Variants in SENP7 observed in about 807,000 individuals in gnomAD.
SENP7 encodes SUMO specific peptidase 7.
SENP7 carries 64 observed loss-of-function variants against 141.2 expected under a neutral mutation model. That is an observed-to-expected ratio of 0.45 (90% CI 0.37 to 0.56). The LOEUF is 0.56. Ranked by LOEUF, SENP7 falls within the 20% of genes least tolerant of loss-of-function variation. The pLI is 0.00. For synonymous variants in SENP7, 382 were observed against 426.4 expected (o/e 0.90, Z 1.28); for missense variants, 1,025 against 1,212.2 (o/e 0.85, Z 2.29).
intron 4 of SENP7, chr3:101,457,477 C>A: frequency 6.2e-7 from 1 of 1,609,412 alleles, no homozygotes; most frequent in Non-Finnish European, 8.5e-7. Flanking sequence ...AAAGTGTTTG[C>A]TGCCAGAGAT....
At chr3:101,354,114 T>A (rs896886943) in intron 11 of SENP7, among the ~76,000 whole-genome samples, 1 of 152,060 alleles carries the variant, frequency 6.6e-6, no homozygotes, top group Admixed American at 6.6e-5. Context: ...ATTCTCTCCA[T>A]CATAACTGTC....
chr3:101,503,607 G>T (rs1372671688), intron 1 of SENP7, among the ~76,000 whole-genome samples: 1 of 152,194 alleles, frequency 6.6e-6, no homozygotes, highest in Non-Finnish European at 1.5e-5. Context: ...CTATTTCTCA[G>T]AAATTCAAGA....
chr3:101,390,151 C>T (rs1270958707), intron 6 of SENP7, among the ~76,000 whole-genome samples: 10 of 136,724 alleles, frequency 7.3e-5, no homozygotes, highest in Admixed American at 6.6e-4. Context: ...ACCTGGGAGG[C>T]GGAAGTTGCA....
At chr3:101,365,851 G>C (rs1048271464) in intron 9 of SENP7, among the ~76,000 whole-genome samples, 1 of 152,054 alleles carries the variant, frequency 6.6e-6, no homozygotes, top group Non-Finnish European at 1.5e-5. Context: ...TTTAAAAATG[G>C]ATAAAGCCAT....
chr3:101,389,341 G>A (rs969502320), intron 6 of SENP7, among the ~76,000 whole-genome samples: 19 of 152,082 alleles, frequency 1.2e-4, no homozygotes, highest in Admixed American at 5.9e-4. Flanking sequence ...GGTCTTCTCC[G>A]CAGCACATCA....
intron 11 of SENP7, among the ~76,000 whole-genome samples, chr3:101,353,387 A>G (rs1028006239): frequency 6.6e-6 from 1 of 151,834 alleles, no homozygotes; most frequent in Non-Finnish European, 1.5e-5. Flanking sequence ...TCCCCCATCA[A>G]ATGCTCGGGA....
intron 4 of SENP7, among the ~76,000 whole-genome samples, chr3:101,438,118 T>TA (rs2062461037): frequency 6.6e-6 from 1 of 152,006 alleles, no homozygotes; most frequent in Non-Finnish European, 1.5e-5. Flanking sequence ...CCAAAAAAAT[T>TA]AAAAACAGTG....
At chr3:101,468,369 T>C (rs1275328934) in intron 3 of SENP7, among the ~76,000 whole-genome samples, 3 of 152,130 alleles carry the variant, frequency 2.0e-5, no homozygotes, top group Non-Finnish European at 2.9e-5. Flanking sequence ...ACCACAAAGA[T>C]ACTCTGTGAG....
At position 101,347,950 on chromosome 3, in the gene SENP7, T is replaced by A. The variant is rs565966266; in HGVS notation, c.1759A>T (p.Ile587Phe). 1.9e-6 allele frequency: 3 copies of A among 1,609,818 alleles called. No individual in the cohort carries two copies. In the Admixed American group the frequency reaches 5.0e-5, roughly 27 times the overall value. The change falls in exon 13 of 24, where the codon ATT (isoleucine) becomes TTT (phenylalanine). Residue 587 changes from isoleucine (I) to phenylalanine (F), a missense_variant. By Grantham distance (21) the Ile-to-Phe change is conservative. Transcript: ENST00000394095. ...DDNHSKRSHA[I>F]LFFWVSSDYL... Reference sequence around the variant, plus strand: ...TCTGAAGAGACCCAGAAGAAAAGAATAGCATGACTCCTTTTACTGTGATTA... The same window carrying A: ...TCTGAAGAGACCCAGAAGAAAAGAAAAGCATGACTCCTTTTACTGTGATTA...
chr3:101,433,979 T>C (rs79281115), intron 4 of SENP7, among the ~76,000 whole-genome samples: 4 of 151,724 alleles, frequency 2.6e-5, no homozygotes, highest in Non-Finnish European at 5.9e-5. Context: ...AGCTGCAGAA[T>C]ACATTCTTTT....
intron 21 of SENP7, 40 bp downstream of exon 21, chr3:101,328,606 T>C (rs1242938682): frequency 6.2e-7 from 1 of 1,602,782 alleles, no homozygotes; most frequent in Non-Finnish European, 8.5e-7. Flanking sequence ...TATATCTAAA[T>C]ACCTCAAAAA....
intron 23 of SENP7, among the ~76,000 whole-genome samples, chr3:101,327,021 C>T (rs542663282): frequency 1.3e-5 from 2 of 151,988 alleles, no homozygotes; most frequent in South Asian, 2.1e-4. Flanking sequence ...AGCTCTAGAA[C>T]GTCTATTTGA....
chr3:101,476,075 T>A (rs1217374235), intron 3 of SENP7, among the ~76,000 whole-genome samples: 1 of 152,182 alleles, frequency 6.6e-6, no homozygotes, highest in Admixed American at 6.5e-5. Context: ...TCTCCATATG[T>A]TAGGCCACAA....
chr3:101,408,725 C>G (rs991723701), intron 5 of SENP7, among the ~76,000 whole-genome samples: 7 of 152,102 alleles, frequency 4.6e-5, no homozygotes, highest in Admixed American at 1.3e-4. Flanking sequence ...TCAACAAAAT[C>G]CGGCATCTCT....
rs1224370417 is a variant in SENP7, at chr3:101,328,650, T to C, written c.2791A>G (p.Lys931Glu). ...SNMSVPKKMCKRPCILILDSL... is the reference protein window; with the variant it reads ...SNMSVPKKMCERPCILILDSL... ...ATTATTACAGCATGTACCTACCTTTTACACATTTTCTTTGGTACTGACATA... is the reference window on the plus strand; with the variant it reads ...ATTATTACAGCATGTACCTACCTTTCACACATTTTCTTTGGTACTGACATA... The change falls in exon 21 of 24, where the codon AAA becomes GAA. Residue 931 changes from lysine to glutamate, a missense_variant. Physicochemically the swap from Lys to Glu is moderately conservative, Grantham distance 56 (BLOSUM62 1). Coordinates refer to ENST00000394095, the MANE Select transcript of SENP7 (RefSeq NM_020654.5). 2 of 1,609,188 alleles carry C rather than the reference T, an allele frequency of 1.2e-6. No homozygotes were observed. Among genetic ancestry groups the C allele is most frequent in the Non-Finnish European group, 1.7e-6 (2 of 1,177,260 alleles).
chr3:101,462,157 A>G (rs1358104330), intron 3 of SENP7, among the ~76,000 whole-genome samples: 1 of 152,232 alleles, frequency 6.6e-6, no homozygotes, highest in East Asian at 1.9e-4. Flanking sequence ...AATGCCATAA[A>G]ACGGCTAACA....
intron 5 of SENP7, among the ~76,000 whole-genome samples, chr3:101,412,421 T>A (rs2061481844): frequency 6.6e-6 from 1 of 152,124 alleles, no homozygotes. Flanking sequence ...TTTGTTCTTT[T>A]ATTAAGCTAA....
intron 9 of SENP7, 109 bp downstream of exon 9, chr3:101,366,321 G>A (rs1219099958): frequency 1.5e-6 from 1 of 671,614 alleles, no homozygotes; most frequent in Non-Finnish European, 2.4e-6. Flanking sequence ...ATTCCACAAT[G>A]ATGTCATAAA....
intron 5 of SENP7, among the ~76,000 whole-genome samples, chr3:101,415,669 A>T (rs1406986564): frequency 1.3e-5 from 2 of 152,230 alleles, no homozygotes; most frequent in African/African-American, 4.8e-5. Flanking sequence ...AGGAAGAAAA[A>T]GTAAGCAACT....
Sources: gnomAD v4.1 joint callset for allele counts (sites outside exome capture counted in the v4.1 genomes callset) on GRCh38, gnomAD v4.1.1 for gene constraint, MANE v1.5 for transcripts, NCBI Gene and HGNC (gene_info 2026-07-23, HGNC 2026-07-21) for gene names.